CDC5L: variants seen among roughly 807,000 people sequenced by gnomAD.
CDC5L encodes cell division cycle 5 like, also known as cell division cycle 5-like protein.
Under a neutral mutation model 104.1 loss-of-function variants are expected in CDC5L, and 18 were observed. That is an observed-to-expected ratio of 0.17 (90% CI 0.12 to 0.26). The LOEUF (loss-of-function observed/expected upper bound fraction) is 0.26. CDC5L is among the 10% of genes least tolerant of loss of function. The probability of loss-of-function intolerance (pLI) is 1.00; values close to 1 mark genes in which losing one functional copy is unlikely to be tolerated. For synonymous variants in CDC5L, 331 were observed against 322.7 expected (o/e 1.03, Z -0.28); for missense variants, 673 against 956.9 (o/e 0.70, Z 3.91).
At chr6:44,413,355 T>C (rs1339690096) in intron 8 of CDC5L, among the ~76,000 whole-genome samples, 1 of 152,258 alleles carries the variant, frequency 6.6e-6, no homozygotes, top group East Asian at 1.9e-4. Context: ...TAATATTCCA[T>C]TGTATGAATA....
At chr6:44,412,108 G>C (rs1347925810) in intron 8 of CDC5L, among the ~76,000 whole-genome samples, 1 of 152,188 alleles carries the variant, frequency 6.6e-6, no homozygotes, top group Non-Finnish European at 1.5e-5. Flanking sequence ...TCTTCTCCTG[G>C]TGGCCCTGAA....
At chr6:44,408,245 T>TCAG (rs2153377902) in intron 7 of CDC5L, among the ~76,000 whole-genome samples, 199 bp from the exon 8 acceptor site, 1 of 152,010 alleles carries the variant, frequency 6.6e-6, no homozygotes, top group Non-Finnish European at 1.5e-5. Context: ...TAAAGCTGTG[T>TCAG]CAGCTCTCAG....
At chr6:44,404,796 A>C (rs1791290164) in intron 6 of CDC5L, among the ~76,000 whole-genome samples, 1 of 152,118 alleles carries the variant, frequency 6.6e-6, no homozygotes, top group Non-Finnish European at 1.5e-5. Flanking sequence ...AGGCTCAAGC[A>C]GTCCTTCCAC....
At chr6:44,396,966 T>C (rs1790897379) in intron 5 of CDC5L, among the ~76,000 whole-genome samples, 1 of 152,234 alleles carries the variant, frequency 6.6e-6, no homozygotes, top group South Asian at 2.1e-4. Context: ...GTTCACCTTT[T>C]CGGAAGCCCC....
chr6:44,424,670 G>T (rs1792339692), intron 11 of CDC5L, 87 bp downstream of exon 11: 3 of 1,258,640 alleles, frequency 2.4e-6, no homozygotes, highest in Non-Finnish European at 3.4e-6. Flanking sequence ...AATGTCCCAA[G>T]ATCTCTACCT....
At chr6:44,418,509 G>A (rs372008445) in intron 8 of CDC5L, among the ~76,000 whole-genome samples, 1 of 151,956 alleles carries the variant, frequency 6.6e-6, no homozygotes, top group Non-Finnish European at 1.5e-5. Context: ...TGGGTATATA[G>A]CCAGTAATGG....
intron 14 of CDC5L, among the ~76,000 whole-genome samples, chr6:44,441,545 C>T (rs947772653): frequency 1.3e-5 from 2 of 152,170 alleles, no homozygotes; most frequent in African/African-American, 4.8e-5. Flanking sequence ...TACTGTTTTC[C>T]ATAATGGCTG....
Position 44,408,282 on chromosome 6 carries a change from T to C in CDC5L, c.904-162T>C, listed in dbSNP as rs193041111. On this transcript the variant is annotated intron_variant, in intron 7 of 15. Transcript: ENST00000371477. ...TAAAATGTTGGTTTTTTTTTTTTTT[T>C]CAATAGAGACAGTTTTGCTGTGTTG... Among the ~76,000 whole-genome samples, 935 of 151,796 alleles carry C rather than the reference T, an allele frequency of 6.2e-3. 13 individuals carry two copies. The highest frequency in any genetic ancestry group is 0.021 in the African/African-American group (870 of 41,362).
At position 44,426,158 on chromosome 6, in the gene CDC5L, A is replaced by G. The variant is rs745604396; in HGVS notation, c.1625A>G (p.Gln542Arg). 8.1e-6 allele frequency: 13 copies of G among 1,609,422 alleles called. No homozygotes were observed. Among genetic ancestry groups the G allele is most frequent in the Admixed American group, 1.7e-5 (1 of 59,722 alleles). ...ATGAAACGAATGCATAAAGCTGTCCAGAAAGATCTGCCAAGACCATCAGAA... is the reference window on the plus strand; with the variant it reads ...ATGAAACGAATGCATAAAGCTGTCCGGAAAGATCTGCCAAGACCATCAGAA... ...KEMKRMHKAV[Q>R]KDLPRPSEVN... The change falls in exon 12 of 16, where the codon CAG becomes CGG. Residue 542 changes from glutamine to arginine, a missense_variant. Transcript: ENST00000371477.
chr6:44,421,114 A>G (rs1219987804), intron 9 of CDC5L, among the ~76,000 whole-genome samples: 1 of 152,140 alleles, frequency 6.6e-6, no homozygotes, highest in Non-Finnish European at 1.5e-5. Context: ...TATACCCACC[A>G]CTTAGATTCT....
At chr6:44,406,012 C>T (rs561548556) in intron 6 of CDC5L, among the ~76,000 whole-genome samples, 1 of 152,092 alleles carries the variant, frequency 6.6e-6, no homozygotes, top group Admixed American at 6.5e-5. Context: ...AATGATTCTC[C>T]TGCCTCAGCC....
intron 9 of CDC5L, among the ~76,000 whole-genome samples, chr6:44,420,605 G>C (rs533687152): frequency 2.6e-5 from 4 of 152,040 alleles, no homozygotes; most frequent in African/African-American, 4.8e-5. Flanking sequence ...TAATCCACCC[G>C]CCTTGGCCTC....
At chr6:44,423,030 C>A (rs573716149) in intron 10 of CDC5L, among the ~76,000 whole-genome samples, 3 of 152,102 alleles carry the variant, frequency 2.0e-5, no homozygotes, top group Non-Finnish European at 2.9e-5. Context: ...TATTGATGTT[C>A]GTTGTTGATT....
At chr6:44,441,624 C>T (rs1793193930) in intron 14 of CDC5L, among the ~76,000 whole-genome samples, 1 of 152,140 alleles carries the variant, frequency 6.6e-6, no homozygotes, top group African/African-American at 2.4e-5. Context: ...CCAACACATA[C>T]TGTTTTTCAT....
chr6:44,409,802 C>T (rs532413973), intron 8 of CDC5L, among the ~76,000 whole-genome samples: 1 of 152,210 alleles, frequency 6.6e-6, no homozygotes, highest in Admixed American at 6.5e-5. Context: ...CACTGTCACC[C>T]TAGAGAGTCC....
intron 5 of CDC5L, among the ~76,000 whole-genome samples, chr6:44,400,964 C>G (rs1189420953): frequency 6.6e-6 from 1 of 152,180 alleles, no homozygotes; most frequent in Non-Finnish European, 1.5e-5. Context: ...TATTCTCACC[C>G]CAGAAGGGCT....
intron 5 of CDC5L, among the ~76,000 whole-genome samples, chr6:44,401,635 C>A (rs1311657499): frequency 1.3e-5 from 2 of 151,656 alleles, no homozygotes; most frequent in Non-Finnish European, 2.9e-5. Context: ...ATATATTTTT[C>A]TCTTTTTTAA....
chr6:44,416,520 T>C (rs190104203), intron 8 of CDC5L, among the ~76,000 whole-genome samples: 1 of 152,348 alleles, frequency 6.6e-6, no homozygotes, highest in Non-Finnish European at 1.5e-5. Context: ...CAGAGTGTAG[T>C]GGTTGCTACT....
intron 14 of CDC5L, among the ~76,000 whole-genome samples, chr6:44,430,210 A>G (rs1581658158): frequency 1.3e-5 from 2 of 151,956 alleles, no homozygotes; most frequent in African/African-American, 2.4e-5. Flanking sequence ...CCAAGAAGCC[A>G]ATACTAGTCA....
Sources: allele counts gnomAD v4.1 joint callset (sites outside exome capture counted in the v4.1 genomes callset), GRCh38; gene constraint gnomAD v4.1.1; transcripts MANE v1.5; gene names NCBI Gene and HGNC (gene_info 2026-07-23, HGNC 2026-07-21).